The following SRBD1 variants were observed in gnomAD, a reference collection of about 807,000 sequenced individuals.
SRBD1 encodes the protein S1 RNA-binding domain-containing protein 1.
SRBD1 carries 88 observed loss-of-function variants against 115.3 expected under a neutral mutation model. That is an observed-to-expected ratio of 0.76 (90% CI 0.64 to 0.91). SRBD1 has a LOEUF of 0.91. Ranked by LOEUF, SRBD1 falls within the 40% of genes least tolerant of loss-of-function variation. The pLI is 0.00. For synonymous variants in SRBD1, 509 were observed against 407.7 expected (o/e 1.25, Z -2.99); for missense variants, 1,385 against 1,177.4 (o/e 1.18, Z -2.58).
At chr2:45,502,179 G>C (rs1020382532) in intron 14 of SRBD1, among the ~76,000 whole-genome samples, 13 of 152,282 alleles carry the variant, frequency 8.5e-5, no homozygotes, top group Admixed American at 3.3e-4. Context: ...AGGCAAACAG[G>C]GTCTGGAGTG....
intron 18 of SRBD1, among the ~76,000 whole-genome samples, chr2:45,413,785 G>T (rs1472852374): frequency 1.3e-5 from 2 of 152,114 alleles, no homozygotes; most frequent in East Asian, 3.9e-4. Context: ...AAAATTAGCT[G>T]GGTGTGGTGG....
chr2:45,481,227 G>A (rs770614495), intron 15 of SRBD1, among the ~76,000 whole-genome samples: 2 of 152,096 alleles, frequency 1.3e-5, no homozygotes, highest in South Asian at 2.1e-4. Context: ...AATGTCATGC[G>A]ACATTTTTAT....
At chr2:45,554,877 C>G (rs893204475) in intron 10 of SRBD1, among the ~76,000 whole-genome samples, 3 of 152,086 alleles carry the variant, frequency 2.0e-5, no homozygotes, top group Admixed American at 2.0e-4. Context: ...TAGGTAACAA[C>G]CTGAACATTA....
intron 16 of SRBD1, among the ~76,000 whole-genome samples, chr2:45,429,854 T>C (rs1000974881): frequency 3.9e-5 from 6 of 152,136 alleles, no homozygotes; most frequent in African/African-American, 1.4e-4. Flanking sequence ...TCAAATTGTC[T>C]CTGTTTGCAG....
intron 14 of SRBD1, among the ~76,000 whole-genome samples, chr2:45,543,752 C>T (rs1338245617): frequency 6.6e-6 from 1 of 152,120 alleles, no homozygotes; most frequent in East Asian, 1.9e-4. Context: ...TTCAAAAGCA[C>T]ATATTAGCAA....
At chr2:45,551,503 A>G (rs1395173712) in intron 11 of SRBD1, among the ~76,000 whole-genome samples, 1 of 152,218 alleles carries the variant, frequency 6.6e-6, no homozygotes, top group Non-Finnish European at 1.5e-5. Context: ...AGTTTATCAT[A>G]CCTACATTAC....
intron 14 of SRBD1, among the ~76,000 whole-genome samples, chr2:45,530,961 T>A (rs976307381): frequency 2.0e-5 from 3 of 147,892 alleles, no homozygotes; most frequent in African/African-American, 2.4e-5. Context: ...CAAAGACAAA[T>A]GGGCAAGATG....
intron 16 of SRBD1, among the ~76,000 whole-genome samples, chr2:45,457,521 C>A (rs1177056701): frequency 6.6e-6 from 1 of 151,908 alleles, no homozygotes; most frequent in Non-Finnish European, 1.5e-5. Context: ...TAGAAGTAAT[C>A]TTTTTATTTC....
intron 16 of SRBD1, among the ~76,000 whole-genome samples, chr2:45,440,879 C>T (rs1033702481): frequency 3.3e-5 from 5 of 151,888 alleles, no homozygotes; most frequent in Admixed American, 6.6e-5. Flanking sequence ...ATTTTGACAG[C>T]CATGTTTAAA....
At chr2:45,567,531 C>G (rs1166013158) in intron 9 of SRBD1, among the ~76,000 whole-genome samples, 1 of 151,966 alleles carries the variant, frequency 6.6e-6, no homozygotes, top group Non-Finnish European at 1.5e-5. Flanking sequence ...ATGCCTTCAG[C>G]CCGCAAGGCG....
At chr2:45,541,587 G>C (rs577896941) in intron 14 of SRBD1, among the ~76,000 whole-genome samples, 1 of 152,214 alleles carries the variant, frequency 6.6e-6, no homozygotes, top group Admixed American at 6.5e-5. Flanking sequence ...GCTCCTTTCC[G>C]CAGGCAGGTT....
chr2:45,432,158 T>C (rs1262133474), intron 16 of SRBD1, among the ~76,000 whole-genome samples: 1 of 151,982 alleles, frequency 6.6e-6, no homozygotes, highest in African/African-American at 2.4e-5. Context: ...GCCTCCTGAG[T>C]AGCTGGGATT....
chr2:45,462,665 C>CA lies in SRBD1; in HGVS notation c.2049+14327dup, dbSNP rs1036325854. Among the ~76,000 whole-genome samples the CA allele has an allele frequency of 8.4e-3, 1,204 of 143,106 alleles. 7 individuals carry two copies. The highest frequency in any genetic ancestry group is 0.018 in the Middle Eastern group (5 of 282). 93.9% of individuals were successfully genotyped at this position (143,106 alleles called of 152,430 possible). A position where few individuals can be genotyped will look rare whatever the true frequency, so the allele number is the denominator to read the frequency against. ...CGTCTGTACTAAAAAAAAAAAAATA[C>CA]AAAAAAAAAAATTAGCCAGGCGTGG... On this transcript the variant is annotated intron_variant, in intron 16 of 20. Transcript: ENST00000263736.
intron 16 of SRBD1, among the ~76,000 whole-genome samples, chr2:45,446,045 T>C (rs1668814520): frequency 6.6e-6 from 1 of 152,164 alleles, no homozygotes; most frequent in Non-Finnish European, 1.5e-5. Context: ...GTTAAGTGGC[T>C]CCTGTCAGGC....
chr2:45,528,164 G>A (rs115981307), intron 14 of SRBD1, among the ~76,000 whole-genome samples: 1 of 151,702 alleles, frequency 6.6e-6, no homozygotes, highest in Non-Finnish European at 1.5e-5. Flanking sequence ...TTAATAAATG[G>A]CATCACAATG....
At chr2:45,472,347 C>A (rs983338708) in intron 16 of SRBD1, among the ~76,000 whole-genome samples, 23 of 152,132 alleles carry the variant, frequency 1.5e-4, no homozygotes, top group Non-Finnish European at 2.9e-5. Flanking sequence ...CTAATGAATG[C>A]GTTTCTTTTT....
At chr2:45,482,054 T>G (rs1381856947) in intron 15 of SRBD1, among the ~76,000 whole-genome samples, 1 of 152,162 alleles carries the variant, frequency 6.6e-6, no homozygotes, top group Non-Finnish European at 1.5e-5. Context: ...GTTGTGCAAC[T>G]CTGACTATAC....
At chr2:45,601,867 A>G in intron 3 of SRBD1, 36 bp downstream of exon 3, 3 of 1,607,084 alleles carry the variant, frequency 1.9e-6, no homozygotes, top group Middle Eastern at 3.3e-4. Context: ...TCAGGAAGAC[A>G]CTACAGAGTT....
intron 16 of SRBD1, among the ~76,000 whole-genome samples, chr2:45,461,655 A>G (rs1467209894): frequency 6.6e-6 from 1 of 151,808 alleles, no homozygotes; most frequent in Non-Finnish European, 1.5e-5. Flanking sequence ...CAGAGATTCA[A>G]CTGCCCCCCC....
Sources: allele counts gnomAD v4.1 joint callset (sites outside exome capture counted in the v4.1 genomes callset), GRCh38; gene constraint gnomAD v4.1.1; transcripts MANE v1.5; gene names NCBI Gene and HGNC (gene_info 2026-07-23, HGNC 2026-07-21).